The following TM4SF20 variants were observed in gnomAD, a reference collection of about 807,000 sequenced individuals.
TM4SF20 encodes transmembrane 4 L six family member 20, also known as transmembrane 4 L6 family member 20.
A neutral mutation model predicts 15.1 loss-of-function variants in TM4SF20; 13 were observed. The observed-to-expected ratio is 0.86, with a 90% CI of 0.56 to 1.36. TM4SF20 has a LOEUF of 1.36. TM4SF20 is among the 40% of genes most tolerant of loss of function. The pLI, the probability that TM4SF20 is intolerant of heterozygous loss-of-function variation, is 0.00. For missense variants in TM4SF20, 282 were observed against 268.4 expected, an observed-to-expected ratio of 1.05 and a Z score of -0.35; for synonymous variants, 92 against 96.6, an observed-to-expected ratio of 0.95 and a Z score of 0.28.
chr2:227,375,850 T>G (rs534350711), intron 1 of TM4SF20, among the ~76,000 whole-genome samples: 1 of 152,210 alleles, frequency 6.6e-6, no homozygotes, highest in African/African-American at 2.4e-5. Flanking sequence ...GTTACTATTA[T>G]CTAATAAGTG....
Position 227,363,739 on chromosome 2 carries a change from T to C in TM4SF20, c.675A>G (p.Arg225=). ...TCCCATTAAACTACACAATTTGACT[T>C]CTTCGCTTAGAGACTCCACACAGAC... ...LGCLCGVSKR[R]SQIV The change falls in exon 4 of 4, where the codon AGA becomes AGG. Residue 225 remains arginine, a synonymous_variant. Coordinates refer to ENST00000304568, the MANE Select transcript of TM4SF20 (RefSeq NM_024795.4). 6.2e-7 allele frequency: 1 copy of C among 1,612,968 alleles called. No individual in the cohort carries two copies. Among genetic ancestry groups the C allele is most frequent in the South Asian group, 1.1e-5 (1 of 90,904 alleles).
chr2:227,370,219 C>T (rs1417609420), intron 2 of TM4SF20, among the ~76,000 whole-genome samples: 1 of 152,164 alleles, frequency 6.6e-6, no homozygotes, highest in Non-Finnish European at 1.5e-5. Flanking sequence ...TCTGTCATTG[C>T]ATGAGAGAAC....
upstream of TM4SF20, chr2:227,381,606 G>A (rs765060710): frequency 2.6e-4 from 40 of 152,232 alleles, no homozygotes; most frequent in Admixed American, 8.5e-4. Flanking sequence ...TGTGGGTTGT[G>A]CCATTTCAAA....
At chr2:227,374,877 A>G (rs2076439474) in intron 1 of TM4SF20, among the ~76,000 whole-genome samples, 1 of 148,796 alleles carries the variant, frequency 6.7e-6, no homozygotes, top group African/African-American at 2.5e-5. Flanking sequence ...GCTTGCTTGA[A>G]CCCAGGAGTT....
upstream of TM4SF20, among the ~76,000 whole-genome samples, chr2:227,380,464 C>T (rs143363193): frequency 7.9e-5 from 12 of 152,328 alleles, no homozygotes; most frequent in South Asian, 2.1e-4. Context: ...TTGATCCAGG[C>T]TTCCACAGTC....
intron 2 of TM4SF20, among the ~76,000 whole-genome samples, chr2:227,366,554 C>A (rs1422309599): frequency 6.6e-6 from 1 of 151,286 alleles, no homozygotes; most frequent in Non-Finnish European, 1.5e-5. Context: ...ATGGCAAAAC[C>A]CCCTCTCTAC....
chr2:227,380,509 T>C (rs1036185194), upstream of TM4SF20, among the ~76,000 whole-genome samples: 2 of 152,152 alleles, frequency 1.3e-5, no homozygotes, highest in Non-Finnish European at 2.9e-5. Context: ...GTGAGCCACA[T>C]ACTGGATCTA....
Position 227,362,077 on chromosome 2 carries a change from G to A in TM4SF20, c.*1647C>T, listed in dbSNP as rs1398683891. On this transcript the variant is annotated 3_prime_UTR_variant, in exon 4 of 4. Transcript: ENST00000304568. The stretch of plus-strand genomic sequence containing the variant: ...CTAAATTTATTTAGGCAGCTATAAT[G>A]TAGGTACTGCAAATTATTTCTGGAA... 1 of 152,180 alleles carries A rather than the reference G, an allele frequency of 6.6e-6. No homozygotes were observed. The allele number at this position is 152,180 out of a possible 1,614,324, so 9.4% of individuals were successfully genotyped here.
upstream of TM4SF20, among the ~76,000 whole-genome samples, chr2:227,380,447 C>T (rs758091087): frequency 1.3e-5 from 2 of 152,170 alleles, no homozygotes; most frequent in Non-Finnish European, 2.9e-5. Flanking sequence ...CTGGCAGAGG[C>T]AGCTTCTTGA....
At chr2:227,364,104 T>A (rs763171822) in intron 3 of TM4SF20, 92 bp from the exon 4 acceptor site, 9 of 1,286,490 alleles carry the variant, frequency 7.0e-6, no homozygotes, top group Non-Finnish European at 9.5e-6. Context: ...GTGAAACGAA[T>A]GTACTTTTGA....
At chr2:227,377,210 G>A (rs143403838) in intron 1 of TM4SF20, among the ~76,000 whole-genome samples, 1 of 152,276 alleles carries the variant, frequency 6.6e-6, no homozygotes, top group Admixed American at 6.5e-5. Context: ...CTTAACTCAG[G>A]AACTTCTAGG....
At chr2:227,377,836 G>T (rs2076459140) in intron 1 of TM4SF20, among the ~76,000 whole-genome samples, 1 of 152,270 alleles carries the variant, frequency 6.6e-6, no homozygotes, top group East Asian at 1.9e-4. Context: ...GGAGAGTGGA[G>T]GGTGGGAGGA....
chr2:227,372,417 G>A (rs897687541), intron 1 of TM4SF20, among the ~76,000 whole-genome samples: 20 of 152,062 alleles, frequency 1.3e-4, no homozygotes, highest in Admixed American at 1.2e-3. Context: ...AGGCCGAGGT[G>A]GGTGGATCAC....
intron 1 of TM4SF20, among the ~76,000 whole-genome samples, chr2:227,376,081 TTAAG>T (rs1292563010): frequency 6.6e-6 from 1 of 152,244 alleles, no homozygotes; most frequent in Non-Finnish European, 1.5e-5. Flanking sequence ...CGCCTCCGTT[TTAAG>T]TAAGTCATGA....
chr2:227,367,850 G>A (rs1243125268), intron 2 of TM4SF20, among the ~76,000 whole-genome samples: 1 of 151,956 alleles, frequency 6.6e-6, no homozygotes, highest in Non-Finnish European at 1.5e-5. Flanking sequence ...AACTTGTCAG[G>A]CTCTCACAGC....
chr2:227,379,699 G>A (rs961403304), upstream of TM4SF20, among the ~76,000 whole-genome samples: 1 of 152,198 alleles, frequency 6.6e-6, no homozygotes, highest in South Asian at 2.1e-4. Context: ...TGTGGAGAAA[G>A]GTATTTCCTC....
At chr2:227,368,244 C>G (rs2076402623) in intron 2 of TM4SF20, among the ~76,000 whole-genome samples, 1 of 148,888 alleles carries the variant, frequency 6.7e-6, no homozygotes, top group Non-Finnish European at 1.5e-5. Context: ...AGGATGGTCT[C>G]CATCTCCTGA....
chr2:227,374,537 A>G (rs2076437872), intron 1 of TM4SF20, among the ~76,000 whole-genome samples: 1 of 152,208 alleles, frequency 6.6e-6, no homozygotes, highest in South Asian at 2.1e-4. Context: ...TTTCCTAAGC[A>G]TATTTGAATG....
intron 1 of TM4SF20, among the ~76,000 whole-genome samples, chr2:227,372,854 G>A (rs1202469624): frequency 6.6e-6 from 1 of 152,040 alleles, no homozygotes; most frequent in African/African-American, 2.4e-5. Context: ...ACAGATGCAT[G>A]CCATCACGCC....
Sources: allele counts gnomAD v4.1 joint callset (sites outside exome capture counted in the v4.1 genomes callset), GRCh38; gene constraint gnomAD v4.1.1; transcripts MANE v1.5; gene names NCBI Gene and HGNC (gene_info 2026-07-23, HGNC 2026-07-21).